ZC3H8: variants seen among roughly 807,000 people sequenced by gnomAD.
ZC3H8 encodes the protein zinc finger CCCH domain-containing protein 8.
In ZC3H8, 27 loss-of-function variants were observed where a neutral mutation model predicts 42.5. The observed-to-expected ratio is 0.64, with a 90% CI of 0.47 to 0.88. The LOEUF (loss-of-function observed/expected upper bound fraction) is 0.88. ZC3H8 is among the 40% of genes least tolerant of loss of function. The probability of loss-of-function intolerance (pLI) is 0.00; values close to 1 mark genes in which losing one functional copy is unlikely to be tolerated. For synonymous variants in ZC3H8, 101 were observed against 110.1 expected, an observed-to-expected ratio of 0.92 and a Z score of 0.52; for missense variants, 277 against 336.1, an observed-to-expected ratio of 0.82 and a Z score of 1.37.
chr2:112,240,988 CGT>C lies in ZC3H8; in HGVS notation c.157-2462_157-2461del, dbSNP rs373421746. ...GTGTGTGTGTGTGTGTGTGTGTGCG[CGT>C]GTGTATGTGTGTTGTGTTTTGTGTG... On this transcript the variant is annotated intron_variant, in intron 2 of 8. Coordinates refer to ENST00000409573, the MANE Select transcript of ZC3H8 (RefSeq NM_032494.3). 8.3e-4 allele frequency among the ~76,000 whole-genome samples: 111 copies of C among 134,392 alleles called. 1 individual carries two copies. Among genetic ancestry groups the C allele is most frequent in the African/African-American group, 3.1e-3 (106 of 34,368 alleles). The allele number at this position is 134,392 out of a possible 152,430, so 88.2% of individuals were successfully genotyped here.
At chr2:112,248,867 T>C (rs954547393) in intron 2 of ZC3H8, among the ~76,000 whole-genome samples, 1 of 152,038 alleles carries the variant, frequency 6.6e-6, no homozygotes, top group African/African-American at 2.4e-5. Context: ...GTCATTAGGG[T>C]GGGCCCTAGT....
In ZC3H8 at chr2:112,234,128, ATTTCC is replaced by A. The variant is rs1295293280; in HGVS notation, c.608_612del (p.Arg203MetfsTer3). ...CTTACACATTTTTATACCTTAATAC[ATTTCC>A]TTTCAAGAAAATATTTACAAATTTG... On this transcript the variant is annotated frameshift_variant, in exon 5 of 9. Transcript: ENST00000409573. LOFTEE classifies it high-confidence loss of function. The A allele has an allele frequency of 5.7e-6, 9 of 1,569,646 alleles. No homozygotes were observed. The highest frequency in any genetic ancestry group is 3.7e-5 in the Admixed American group (2 of 53,950).
intron 4 of ZC3H8, among the ~76,000 whole-genome samples, chr2:112,235,579 T>A (rs1266412904): frequency 6.6e-6 from 1 of 152,160 alleles, no homozygotes; most frequent in African/African-American, 2.4e-5. Context: ...TCTAATATTT[T>A]ACCACCCCTT....
chr2:112,249,310 T>C (rs1439576281), intron 2 of ZC3H8, among the ~76,000 whole-genome samples: 1 of 152,208 alleles, frequency 6.6e-6, no homozygotes, highest in Non-Finnish European at 1.5e-5. Flanking sequence ...ATTGCCAGCA[T>C]TCCATCAGGA....
chr2:112,250,064 C>A, intron 2 of ZC3H8, 127 bp downstream of exon 2: 1 of 601,602 alleles, frequency 1.7e-6, no homozygotes, highest in Non-Finnish European at 2.7e-6. Flanking sequence ...TAAAATGAGA[C>A]AAGTAGGATC....
At chr2:112,234,040 TA>T in intron 5 of ZC3H8, 79 bp downstream of exon 5, 2 of 815,294 alleles carry the variant, frequency 2.5e-6, no homozygotes, top group Non-Finnish European at 3.7e-6. Context: ...TTTAAAAACC[TA>T]AAGGTATGAA....
chr2:112,248,320 A>AAAAGAAAGAAAG (rs147585159), intron 2 of ZC3H8, among the ~76,000 whole-genome samples: 3 of 149,620 alleles, frequency 2.0e-5, no homozygotes, highest in African/African-American at 7.5e-5. Flanking sequence ...AGACAGAAAG[A>AAAAGAAAGAAAG]AAAGAAAGAA....
chr2:112,254,782 G>C, intron 1 of ZC3H8, 126 bp downstream of exon 1: 1 of 1,137,472 alleles, frequency 8.8e-7, no homozygotes. Context: ...GCCGGCCCAC[G>C]TGCTCCCCAC....
At position 112,212,450 on chromosome 2, in the gene ZC3H8, T is replaced by C. The variant is rs556029344; in HGVS notation, c.*4034A>G. On this transcript the variant is annotated 3_prime_UTR_variant, in exon 9 of 9. Coordinates refer to ENST00000409573, the MANE Select transcript of ZC3H8 (RefSeq NM_032494.3). ...AAGAGGATGGCGAGGGGGAGAAACA[T>C]GGACTTTGGGAAGAAGAATGTAGGT... 6 of 152,358 alleles carry C rather than the reference T, an allele frequency of 3.9e-5. No individual in the cohort carries two copies. Among genetic ancestry groups the C allele is most frequent in the Admixed American group, 1.3e-4 (2 of 15,300 alleles). The allele number at this position is 152,358 out of a possible 1,614,324, so 9.4% of individuals were successfully genotyped here. A position where few individuals can be genotyped will look rare whatever the true frequency, so the allele number is the denominator to read the frequency against.
intron 2 of ZC3H8, among the ~76,000 whole-genome samples, chr2:112,247,317 G>A (rs1685796738): frequency 6.6e-6 from 1 of 152,180 alleles, no homozygotes; most frequent in Non-Finnish European, 1.5e-5. Flanking sequence ...GCTCACACCT[G>A]TAATCCCAGC....
intron 2 of ZC3H8, among the ~76,000 whole-genome samples, chr2:112,239,757 G>T (rs1685504673): frequency 6.6e-6 from 1 of 151,906 alleles, no homozygotes; most frequent in African/African-American, 2.4e-5. Flanking sequence ...GCTAATTTTT[G>T]TATTTTTGAT....
At chr2:112,222,278 C>T (rs912616182) in intron 8 of ZC3H8, among the ~76,000 whole-genome samples, 4 of 152,140 alleles carry the variant, frequency 2.6e-5, no homozygotes, top group Admixed American at 2.6e-4. Context: ...TGTCTGTTTA[C>T]TTCCTGAGTA....
chr2:112,250,158 T>C, intron 2 of ZC3H8, 33 bp downstream of exon 2: 1 of 1,491,788 alleles, frequency 6.7e-7, no homozygotes, highest in Non-Finnish European at 9.0e-7. Flanking sequence ...AAATCTGCGT[T>C]TTCAACTTAA....
At chr2:112,216,636 A>G (rs1000462440) in intron 8 of ZC3H8, among the ~76,000 whole-genome samples, 168 bp from the exon 9 acceptor site, 2 of 152,142 alleles carry the variant, frequency 1.3e-5, no homozygotes, top group Non-Finnish European at 2.9e-5. Context: ...TGGGAAAATT[A>G]AAGAACATTC....
intron 6 of ZC3H8, among the ~76,000 whole-genome samples, chr2:112,232,484 C>T (rs1001321697): frequency 5.3e-5 from 8 of 151,950 alleles, no homozygotes; most frequent in African/African-American, 1.9e-4. Flanking sequence ...CCTTCATATC[C>T]ATTCTTATAA....
intron 8 of ZC3H8, among the ~76,000 whole-genome samples, chr2:112,229,473 T>C (rs913155995): frequency 6.6e-6 from 1 of 152,206 alleles, no homozygotes; most frequent in African/African-American, 2.4e-5. Flanking sequence ...GCCAATGGGT[T>C]ATAAGTAAAT....
chr2:112,243,172 C>A (rs1338545330), intron 2 of ZC3H8, among the ~76,000 whole-genome samples: 1 of 152,184 alleles, frequency 6.6e-6, no homozygotes, highest in Non-Finnish European at 1.5e-5. Flanking sequence ...GATCTCCATA[C>A]CTACATTAAT....
At chr2:112,249,283 G>A (rs1685862870) in intron 2 of ZC3H8, among the ~76,000 whole-genome samples, 1 of 152,126 alleles carries the variant, frequency 6.6e-6, no homozygotes, top group Non-Finnish European at 1.5e-5. Flanking sequence ...TGATACTTTT[G>A]CAAGCCATCA....
rs1001867263 is a variant in ZC3H8 at position 112,214,860 on chromosome 2, T to A, written c.*1624A>T. The A allele has an allele frequency of 2.6e-5, 4 of 152,140 alleles. No individual in the cohort carries two copies. The highest frequency in any genetic ancestry group is 9.7e-5 in the African/African-American group (4 of 41,408). 9.4% of individuals were successfully genotyped at this position (152,140 alleles called of 1,614,324 possible). A position where few individuals can be genotyped will look rare whatever the true frequency, so the allele number is the denominator to read the frequency against. The stretch of plus-strand genomic sequence containing the variant: ...TGAGAATCTCTGTCTCCTAACTTGA[T>A]TCAACACAAATTAAGATATTTCACT... On this transcript the variant is annotated 3_prime_UTR_variant, in exon 9 of 9. Coordinates refer to ENST00000409573, the MANE Select transcript of ZC3H8 (RefSeq NM_032494.3).
Sources: gnomAD v4.1 joint callset for allele counts (sites outside exome capture counted in the v4.1 genomes callset) on GRCh38, gnomAD v4.1.1 for gene constraint, MANE v1.5 for transcripts, NCBI Gene and HGNC (gene_info 2026-07-23, HGNC 2026-07-21) for gene names.